Variants in CSMD1 observed in about 807,000 individuals in gnomAD.
CSMD1 encodes CUB and sushi domain-containing protein 1.
Under a neutral mutation model 417.5 loss-of-function variants are expected in CSMD1, and 213 were observed. The ratio of observed to expected loss-of-function variants is 0.51; its 90% CI spans 0.46 to 0.57. The LOEUF is 0.57. Ranked by LOEUF, CSMD1 falls within the 20% of genes least tolerant of loss-of-function variation. The probability of loss-of-function intolerance (pLI) is 0.00; values close to 1 mark genes in which losing one functional copy is unlikely to be tolerated. For synonymous variants in CSMD1, 2,862 were observed against 1,736.8 expected (o/e 1.65, Z -16.11); for missense variants, 6,923 against 4,529.7 (o/e 1.53, Z -15.17).
chr8:4,147,047 T>C (rs952867487), intron 3 of CSMD1, among the ~76,000 whole-genome samples: 2 of 151,868 alleles, frequency 1.3e-5, no homozygotes, highest in African/African-American at 2.4e-5. Context: ...TTCTGGGCTT[T>C]TCCTTCACCC....
At chr8:3,683,836 G>T (rs1428959982) in intron 7 of CSMD1, among the ~76,000 whole-genome samples, 2 of 151,944 alleles carry the variant, frequency 1.3e-5, no homozygotes, top group African/African-American at 2.4e-5. Context: ...ATCATTCTAA[G>T]ATGTAAAGAA....
intron 12 of CSMD1, among the ~76,000 whole-genome samples, chr8:3,457,359 C>G (rs1378529535): frequency 6.6e-6 from 1 of 152,204 alleles, no homozygotes; most frequent in East Asian, 1.9e-4. Flanking sequence ...TGCCTAACTT[C>G]TTCAGTTTCT....
rs377106344 is a variant in CSMD1 at position 4,572,304 on chromosome 8, C to T, written c.302+65038G>A. ...GCTTCCTTCAGGAGCTCTTATAAGG[C>T]AGGCCTAGTGGTGACAAAATCCCCC... On this transcript the variant is annotated intron_variant, in intron 2 of 69. Transcript: ENST00000635120. Among the ~76,000 whole-genome samples the T allele has an allele frequency of 4.6e-5, 7 of 152,308 alleles. No homozygotes were observed. The East Asian group carries it at 7.7e-4, about 17-fold the overall frequency.
At chr8:4,019,057 T>C (rs1796658618) in intron 4 of CSMD1, among the ~76,000 whole-genome samples, 1 of 152,222 alleles carries the variant, frequency 6.6e-6, no homozygotes, top group Non-Finnish European at 1.5e-5. Context: ...TTGAGACAGA[T>C]GCTACTCCAT....
At chr8:3,834,524 G>T (rs1250873966) in intron 5 of CSMD1, among the ~76,000 whole-genome samples, 1 of 152,178 alleles carries the variant, frequency 6.6e-6, no homozygotes, top group Non-Finnish European at 1.5e-5. Flanking sequence ...GGTAGAAGCT[G>T]CACTGTGCGT....
At chr8:3,487,460 C>T (rs562989400) in intron 11 of CSMD1, among the ~76,000 whole-genome samples, 2 of 152,304 alleles carry the variant, frequency 1.3e-5, no homozygotes, top group East Asian at 3.9e-4. Context: ...CTCGGCCTCC[C>T]CAAGTGTTGG....
At chr8:3,989,639 A>C (rs1814596913) in intron 5 of CSMD1, among the ~76,000 whole-genome samples, 3 of 152,244 alleles carry the variant, frequency 2.0e-5, no homozygotes, top group Admixed American at 2.0e-4. Flanking sequence ...AAAAAAATTA[A>C]AGTCTTTATG....
intron 5 of CSMD1, among the ~76,000 whole-genome samples, chr8:3,975,743 C>A (rs1813391190): frequency 6.6e-6 from 1 of 152,128 alleles, no homozygotes; most frequent in South Asian, 2.1e-4. Context: ...TAAAATAAAA[C>A]AGAAAATGTC....
chr8:3,652,086 C>G (rs1184350079), intron 7 of CSMD1, among the ~76,000 whole-genome samples: 1 of 148,828 alleles, frequency 6.7e-6, no homozygotes, highest in African/African-American at 2.5e-5. Flanking sequence ...GCGCTTACCA[C>G]CATCAGAGCA....
Position 4,870,635 on chromosome 8 carries a change from C to T in CSMD1, c.85+123697G>A, listed in dbSNP as rs960712010. Among the ~76,000 whole-genome samples, 14 of 152,010 alleles carry T rather than the reference C, an allele frequency of 9.2e-5. 1 individual carries two copies. Among genetic ancestry groups the T allele is most frequent in the East Asian group, 3.9e-4 (2 of 5,184 alleles). On this transcript the variant is annotated intron_variant, in intron 1 of 69. Coordinates refer to ENST00000635120, the MANE Select transcript of CSMD1 (RefSeq NM_033225.6). Reference sequence around the variant, plus strand: ...ACTTTATTAGGAGGTAAAATCCCAGCGCACCACGAGTGAGGGAATGGAGAA... The same window carrying T: ...ACTTTATTAGGAGGTAAAATCCCAGTGCACCACGAGTGAGGGAATGGAGAA...
chr8:3,832,088 T>G (rs898342169), intron 5 of CSMD1, among the ~76,000 whole-genome samples: 1 of 152,184 alleles, frequency 6.6e-6, no homozygotes, highest in African/African-American at 2.4e-5. Flanking sequence ...ATCTCATGTG[T>G]GGAATCCTGC....
At chr8:3,129,929 C>A (rs1030399464) in intron 41 of CSMD1, among the ~76,000 whole-genome samples, 1 of 151,772 alleles carries the variant, frequency 6.6e-6, no homozygotes, top group South Asian at 2.1e-4. Flanking sequence ...TGCAGTGAGC[C>A]GAGATCGCGC....
chr8:3,338,812 T>G (rs1420184476), intron 23 of CSMD1, among the ~76,000 whole-genome samples: 1 of 82,784 alleles, frequency 1.2e-5, no homozygotes, highest in African/African-American at 5.7e-5. Flanking sequence ...CCAGCCTTTC[T>G]TTTTTTTTTT....
At chr8:4,177,668 T>C (rs187745483) in intron 3 of CSMD1, among the ~76,000 whole-genome samples, 11,909 of 135,854 alleles carry the variant, frequency 0.088, 774 homozygotes, top group East Asian at 0.19. Flanking sequence ...ATCAACAAAA[T>C]TGATAGACCG....
In CSMD1 at chr8:3,409,495, C is replaced by G; in HGVS notation, c.1672G>C (p.Glu558Gln). The G allele has an allele frequency of 1.9e-6, 3 of 1,611,538 alleles. No homozygotes were observed. The highest frequency in any genetic ancestry group is 2.5e-6 in the Non-Finnish European group (3 of 1,178,944). ...GTGATAACTCTCTCCCCCACCAGCT[C>G]AAAGGCCGCCGGGCATTCAAAGGTG... is the stretch of plus-strand genomic sequence containing the variant. ...TLTFECPAAFELVGERVITCQ... is the reference protein window; with the variant it reads ...TLTFECPAAFQLVGERVITCQ... The change falls in exon 13 of 70, where the codon GAG becomes CAG. Residue 558 changes from glutamate (E) to glutamine (Q), a missense_variant. Physicochemically the swap from Glu to Gln is conservative, Grantham distance 29. Coordinates refer to ENST00000635120, the MANE Select transcript of CSMD1 (RefSeq NM_033225.6).
intron 3 of CSMD1, among the ~76,000 whole-genome samples, chr8:4,212,897 A>G (rs968658321): frequency 6.6e-6 from 1 of 151,856 alleles, no homozygotes; most frequent in African/African-American, 2.4e-5. Context: ...TTAGAGGCTG[A>G]GCTGGAAAGA....
chr8:4,406,646 G>T (rs1232566105), intron 3 of CSMD1, among the ~76,000 whole-genome samples: 1 of 152,130 alleles, frequency 6.6e-6, no homozygotes, highest in African/African-American at 2.4e-5. Flanking sequence ...ACAACAGGAA[G>T]CATGGGCACT....
chr8:4,342,195 A>T (rs1233811105), intron 3 of CSMD1, among the ~76,000 whole-genome samples: 1 of 140,974 alleles, frequency 7.1e-6, no homozygotes, highest in African/African-American at 2.6e-5. Context: ...ACTTGGCAGC[A>T]GTGCTGTGTC....
rs572144637 is a variant in CSMD1, at chr8:4,790,038, G to C, written c.86-152480C>G. 2.0e-5 allele frequency among the ~76,000 whole-genome samples: 3 copies of C among 152,324 alleles called. No individual in the cohort carries two copies. The East Asian group carries it at 5.8e-4, about 29-fold the overall frequency. On this transcript the variant is annotated intron_variant, in intron 1 of 69. Coordinates refer to ENST00000635120, the MANE Select transcript of CSMD1 (RefSeq NM_033225.6). ...GTGATGAAAAGGAATCCAGGATTAT[G>C]TGTGAATCTTCAGAGAATTCTAGGA...
Sources: gnomAD v4.1 joint callset for allele counts (sites outside exome capture counted in the v4.1 genomes callset) on GRCh38, gnomAD v4.1.1 for gene constraint, MANE v1.5 for transcripts, NCBI Gene and HGNC (gene_info 2026-07-23, HGNC 2026-07-21) for gene names.